NELL1: variants seen among roughly 807,000 people sequenced by gnomAD.
NELL1 encodes the protein neural EGFL like 1.
NELL1 carries 76 observed loss-of-function variants against 107.4 expected under a neutral mutation model. The ratio of observed to expected loss-of-function variants is 0.71; its 90% confidence interval spans 0.59 to 0.86. NELL1 has a LOEUF of 0.86. Among genes scored for constraint, NELL1 ranks in the 40% least tolerant of loss-of-function variants. The pLI is 0.00. For synonymous variants in NELL1, 353 were observed against 341.2 expected (o/e 1.03, Z -0.38); for missense variants, 1,024 against 1,005.5 (o/e 1.02, Z -0.25).
intron 15 of NELL1, among the ~76,000 whole-genome samples, chr11:21,529,141 C>T (rs1212698699): frequency 6.6e-6 from 1 of 152,106 alleles, no homozygotes; most frequent in African/African-American, 2.4e-5. Flanking sequence ...GGGCCCTGGT[C>T]TACATAGCCT....
chr11:21,222,893 T>C (rs1174796808), intron 13 of NELL1, among the ~76,000 whole-genome samples: 3 of 152,056 alleles, frequency 2.0e-5, no homozygotes, highest in Admixed American at 6.6e-5. Context: ...TTTGTTCCAT[T>C]GTGGTCTGTG....
intron 9 of NELL1, among the ~76,000 whole-genome samples, chr11:20,930,968 G>T (rs77590092): frequency 0.035 from 5,382 of 152,182 alleles, 252 homozygotes; most frequent in East Asian, 0.16. Context: ...AAAAAGAAAT[G>T]ATACAAGGCA....
chr11:21,197,714 G>A (rs1365051453), intron 13 of NELL1, among the ~76,000 whole-genome samples: 1 of 151,388 alleles, frequency 6.6e-6, no homozygotes, highest in Non-Finnish European at 1.5e-5. Context: ...GATAAATAGT[G>A]AGGCATCCTT....
At chr11:20,703,082 C>A (rs938062591) in intron 2 of NELL1, among the ~76,000 whole-genome samples, 1 of 152,236 alleles carries the variant, frequency 6.6e-6, no homozygotes, top group African/African-American at 2.4e-5. Flanking sequence ...GGAATGGTAC[C>A]AGCTCTTGCT....
chr11:21,303,424 A>G (rs576081825), intron 14 of NELL1, among the ~76,000 whole-genome samples: 52 of 152,162 alleles, frequency 3.4e-4, no homozygotes, highest in African/African-American at 1.3e-3. Context: ...ACAATGAGAT[A>G]TTATCTTACC....
At chr11:21,261,327 T>A (rs1213059082) in intron 14 of NELL1, among the ~76,000 whole-genome samples, 1 of 151,804 alleles carries the variant, frequency 6.6e-6, no homozygotes, top group African/African-American at 2.4e-5. Context: ...TAGTTATTTT[T>A]CCTGATCCTC....
At chr11:21,302,708 T>A (rs1849519897) in intron 14 of NELL1, among the ~76,000 whole-genome samples, 1 of 151,928 alleles carries the variant, frequency 6.6e-6, no homozygotes, top group African/African-American at 2.4e-5. Context: ...AGACATTTGT[T>A]GGTTTTTTTC....
At chr11:20,991,488 A>G (rs1047343786) in intron 12 of NELL1, among the ~76,000 whole-genome samples, 8 of 152,244 alleles carry the variant, frequency 5.3e-5, no homozygotes, top group Non-Finnish European at 7.3e-5. Flanking sequence ...AGGCCCTGCC[A>G]TAGGCAAGTC....
chr11:21,143,966 G>C (rs564317313), intron 13 of NELL1, among the ~76,000 whole-genome samples: 1 of 152,200 alleles, frequency 6.6e-6, no homozygotes, highest in African/African-American at 2.4e-5. Context: ...AGTAACAGGA[G>C]GTGAAGGAAG....
chr11:20,672,562 T>C (rs796342353), intron 1 of NELL1, among the ~76,000 whole-genome samples: 8 of 152,330 alleles, frequency 5.3e-5, no homozygotes, highest in African/African-American at 1.9e-4. Context: ...GGAGGTGCCA[T>C]TCTCCAGTTC....
At chr11:20,998,026 C>A (rs12801345) in intron 12 of NELL1, among the ~76,000 whole-genome samples, 20,255 of 152,048 alleles carry the variant, frequency 0.13, 1,486 homozygotes, top group South Asian at 0.28. Context: ...ATTCTTTGTA[C>A]CTATGGACAA....
chr11:20,921,263 G>C (rs903576680), intron 7 of NELL1, among the ~76,000 whole-genome samples: 17 of 152,148 alleles, frequency 1.1e-4, no homozygotes, highest in Admixed American at 4.6e-4. Flanking sequence ...TGATCTAAAA[G>C]AAATGGAAAA....
At chr11:21,407,251 A>G (rs555613900) in intron 15 of NELL1, among the ~76,000 whole-genome samples, 1 of 152,038 alleles carries the variant, frequency 6.6e-6, no homozygotes, top group African/African-American at 2.4e-5. Context: ...CCCTGTCTCT[A>G]CCAAAAATAC....
At chr11:21,386,567 C>A (rs1050324749) in intron 15 of NELL1, among the ~76,000 whole-genome samples, 1 of 151,800 alleles carries the variant, frequency 6.6e-6, no homozygotes, top group Non-Finnish European at 1.5e-5. Context: ...TTGGAGCAGA[C>A]CATCTGATTG....
At chr11:21,321,988 G>A (rs918513788) in intron 14 of NELL1, among the ~76,000 whole-genome samples, 3 of 152,086 alleles carry the variant, frequency 2.0e-5, no homozygotes, top group African/African-American at 7.2e-5. Context: ...GTAGTCTCTG[G>A]GAAAGATAGG....
At chr11:21,462,489 TC>T (rs1304462042) in intron 15 of NELL1, among the ~76,000 whole-genome samples, 1 of 152,022 alleles carries the variant, frequency 6.6e-6, no homozygotes, top group African/African-American at 2.4e-5. Context: ...TTAAGAAGTC[TC>T]CCCTATTGGG....
At chr11:21,527,446 A>G (rs570732404) in intron 15 of NELL1, among the ~76,000 whole-genome samples, 5 of 152,266 alleles carry the variant, frequency 3.3e-5, no homozygotes, top group African/African-American at 1.2e-4. Context: ...ACCCAGTTCC[A>G]AAATCATTTC....
At chr11:20,776,336 G>T (rs966077750) in intron 2 of NELL1, among the ~76,000 whole-genome samples, 1 of 152,116 alleles carries the variant, frequency 6.6e-6, no homozygotes, top group Non-Finnish European at 1.5e-5. Flanking sequence ...CTACTTGGGA[G>T]GCTGAGGCAG....
chr11:21,441,318 C>T (rs1853275794), intron 15 of NELL1, among the ~76,000 whole-genome samples: 1 of 145,286 alleles, frequency 6.9e-6, no homozygotes, highest in Non-Finnish European at 1.5e-5. Context: ...ATTCTTTACT[C>T]TGAGGCTGTG....
Sources: allele counts gnomAD v4.1 joint callset (sites outside exome capture counted in the v4.1 genomes callset), GRCh38; gene constraint gnomAD v4.1.1; transcripts MANE v1.5; gene names NCBI Gene and HGNC (gene_info 2026-07-23, HGNC 2026-07-21).